The following FRK variants were observed in gnomAD, a reference collection of about 807,000 sequenced individuals.
The protein encoded by FRK is tyrosine-protein kinase FRK.
A neutral mutation model predicts 56.4 loss-of-function variants in FRK; 51 were observed. The observed-to-expected ratio is 0.90, with a 90% confidence interval of 0.72 to 1.14. FRK has a LOEUF of 1.14. Among genes scored for constraint, FRK ranks in the 50% most tolerant of loss-of-function variants. The probability of loss-of-function intolerance (pLI) is 0.00; values close to 1 mark genes in which losing one functional copy is unlikely to be tolerated. For synonymous variants in FRK, 245 were observed against 217.9 expected, an observed-to-expected ratio of 1.12 and a Z score of -1.10; for missense variants, 570 against 601.4, an observed-to-expected ratio of 0.95 and a Z score of 0.55.
chr6:115,996,347 C>G (rs1055206883), intron 2 of FRK, among the ~76,000 whole-genome samples: 2 of 152,034 alleles, frequency 1.3e-5, no homozygotes, highest in African/African-American at 4.8e-5. Context: ...GAGTCACATT[C>G]GAATGACTCT....
chr6:115,966,314 C>T lies in FRK; in HGVS notation c.799+1237G>A, dbSNP rs373496673. On this transcript the variant is annotated intron_variant, in intron 4 of 7. Coordinates refer to ENST00000606080, the MANE Select transcript of FRK (RefSeq NM_002031.3). ...ATTTTTGTGTGGATTTTGCATTTGA[C>T]CATAGCAACTATCAAAAACCCAGCT... Among the ~76,000 whole-genome samples the T allele has an allele frequency of 6.0e-4, 92 of 152,184 alleles. No individual in the cohort carries two copies. The East Asian group carries it at 9.9e-3, about 16-fold the overall frequency.
the FRK span, among the ~76,000 whole-genome samples, chr6:116,077,557 C>G: frequency 6.6e-6 from 1 of 152,318 alleles, no homozygotes; most frequent in South Asian, 2.1e-4. Flanking sequence ...TATGGCTTCT[C>G]TCCTCTGATT....
chr6:116,058,774 G>A (rs964521492), intron 1 of FRK, among the ~76,000 whole-genome samples: 3 of 152,060 alleles, frequency 2.0e-5, no homozygotes, highest in African/African-American at 4.8e-5. Flanking sequence ...AGCCGGGCGT[G>A]GTGGCAGGCG....
chr6:116,055,715 C>T (rs1395573909), intron 1 of FRK, among the ~76,000 whole-genome samples: 1 of 152,178 alleles, frequency 6.6e-6, no homozygotes, highest in African/African-American at 2.4e-5. Flanking sequence ...TTTGCTGAGT[C>T]ATTCACTTAG....
intron 1 of FRK, among the ~76,000 whole-genome samples, chr6:116,025,694 A>G (rs890272228): frequency 6.6e-6 from 1 of 152,210 alleles, no homozygotes; most frequent in Non-Finnish European, 1.5e-5. Context: ...TATTTGTTAT[A>G]GCCTACTTCT....
chr6:116,037,679 T>A (rs1047288024), intron 1 of FRK, among the ~76,000 whole-genome samples: 3 of 152,228 alleles, frequency 2.0e-5, no homozygotes, highest in East Asian at 1.9e-4. Context: ...ACTTTACTTG[T>A]TTTCCTTAAA....
chr6:116,058,784 G>C (rs910738899), intron 1 of FRK, among the ~76,000 whole-genome samples: 9 of 151,940 alleles, frequency 5.9e-5, no homozygotes, highest in African/African-American at 1.9e-4. Context: ...GGTGGCAGGC[G>C]CCTGTAGTCC....
chr6:115,966,033 T>C (rs184128865), intron 4 of FRK, among the ~76,000 whole-genome samples: 16,788 of 76,022 alleles, frequency 0.22, 1,605 homozygotes, highest in East Asian at 0.4. Context: ...ACATGTACCC[T>C]AAAACTTAAA....
chr6:116,047,807 A>G (rs1026939352), intron 1 of FRK, among the ~76,000 whole-genome samples: 1 of 152,188 alleles, frequency 6.6e-6, no homozygotes, highest in Non-Finnish European at 1.5e-5. Context: ...CTCCAAGAGA[A>G]CTAAGAAAGA....
intron 2 of FRK, among the ~76,000 whole-genome samples, chr6:115,977,541 G>A (rs1354178704): frequency 6.6e-6 from 1 of 152,144 alleles, no homozygotes; most frequent in Non-Finnish European, 1.5e-5. Context: ...GTCTATATTA[G>A]TTGACTCAAG....
At chr6:116,083,878 C>G in the FRK span, among the ~76,000 whole-genome samples, 1 of 149,452 alleles carries the variant, frequency 6.7e-6, no homozygotes, top group East Asian at 2.0e-4. Context: ...CCAGGCTGGT[C>G]TCAAATTCCT....
intron 2 of FRK, among the ~76,000 whole-genome samples, chr6:115,975,048 T>C (rs1229820145): frequency 1.3e-5 from 2 of 152,178 alleles, no homozygotes; most frequent in African/African-American, 4.8e-5. Flanking sequence ...AAGTGAAATA[T>C]AAATTTCTGA....
At chr6:115,984,660 T>C (rs1423108480) in intron 2 of FRK, among the ~76,000 whole-genome samples, 1 of 151,938 alleles carries the variant, frequency 6.6e-6, no homozygotes, top group African/African-American at 2.4e-5. Context: ...TTATTCCTCT[T>C]GTTTTTTGTT....
intron 1 of FRK, among the ~76,000 whole-genome samples, chr6:116,012,683 T>C (rs1252211557): frequency 6.6e-6 from 1 of 152,208 alleles, no homozygotes; most frequent in Non-Finnish European, 1.5e-5. Context: ...TTATATAGTC[T>C]TCTGGTTTAT....
the FRK span, among the ~76,000 whole-genome samples, chr6:116,098,366 C>T: frequency 2.0e-5 from 3 of 152,096 alleles, no homozygotes; most frequent in East Asian, 5.8e-4. Flanking sequence ...CTACTTTGGC[C>T]TCCCAAAGTG....
intron 2 of FRK, among the ~76,000 whole-genome samples, chr6:115,971,389 C>A (rs1033609470): frequency 2.0e-5 from 3 of 152,240 alleles, no homozygotes; most frequent in Admixed American, 2.0e-4. Context: ...GGAGTATTTG[C>A]TATAAGCCAG....
intron 2 of FRK, among the ~76,000 whole-genome samples, chr6:115,988,710 T>C (rs1027407002): frequency 6.6e-6 from 1 of 152,044 alleles, no homozygotes; most frequent in African/African-American, 2.4e-5. Context: ...GTGTCCTGTT[T>C]GTATACGCGA....
rs776602555 is a variant in FRK, at chr6:116,060,109, T to C, written c.203A>G (p.Lys68Arg). The C allele has an allele frequency of 1.1e-4, 175 of 1,614,150 alleles. 1 individual carries two copies. The East Asian group carries it at 3.7e-3, about 34-fold the overall frequency. Reference sequence around the variant, plus strand: ...ATGCAAAGTGTCCAGAACTTGAAGTTTGTCACCTGCTCGGAAGCTCAAGTC... The same window carrying C: ...ATGCAAAGTGTCCAGAACTTGAAGTCTGTCACCTGCTCGGAAGCTCAAGTC... ...AEDLSFRAGD[K>R]LQVLDTLHEG... The change falls in exon 1 of 8, where the codon AAA becomes AGA. Residue 68 changes from lysine to arginine, a missense_variant. Transcript: ENST00000606080.
At chr6:116,032,405 A>T (rs143789310) in intron 1 of FRK, among the ~76,000 whole-genome samples, 8 of 152,216 alleles carry the variant, frequency 5.3e-5, no homozygotes, top group Middle Eastern at 3.4e-3. Flanking sequence ...CATGCAGCCT[A>T]TCCCCAACAC....
Sources: gnomAD v4.1 joint callset for allele counts (sites outside exome capture counted in the v4.1 genomes callset) on GRCh38, gnomAD v4.1.1 for gene constraint, MANE v1.5 for transcripts, NCBI Gene and HGNC (gene_info 2026-07-23, HGNC 2026-07-21) for gene names.